TMEM86A: variants seen among roughly 807,000 people sequenced by gnomAD.
TMEM86A encodes lysoplasmalogenase TMEM86A.
TMEM86A carries 13 observed loss-of-function variants against 19.8 expected under a neutral mutation model. That is an observed-to-expected ratio of 0.66 (90% CI 0.43 to 1.04). The LOEUF (loss-of-function observed/expected upper bound fraction) is 1.04. Among genes scored for constraint, TMEM86A ranks in the 50% least tolerant of loss-of-function variants. TMEM86A has a pLI of 0.00. For synonymous variants in TMEM86A, 128 were observed against 129.9 expected, an observed-to-expected ratio of 0.99 and a Z score of 0.10; for missense variants, 248 against 306.8, an observed-to-expected ratio of 0.81 and a Z score of 1.43.
chr11:18,700,741 A>G, intron 1 of TMEM86A, 192 bp from the exon 2 acceptor site: 1 of 698,930 alleles, frequency 1.4e-6, no homozygotes, highest in Non-Finnish European at 2.4e-6. Context: ...CAGGGCAGTA[A>G]TGGGTTTGGC....
intron 1 of TMEM86A, chr11:18,700,626 G>A: frequency 2.2e-6 from 1 of 456,756 alleles, no homozygotes; most frequent in Non-Finnish European, 4.0e-6. Context: ...GCTGTTGCTG[G>A]CAGAGAGGAG....
At position 18,701,629 on chromosome 11, in the gene TMEM86A, C is replaced by T. The variant is rs143821414; in HGVS notation, c.343C>T (p.Pro115Ser). 4.4e-6 allele frequency: 7 copies of T among 1,594,318 alleles called. No individual in the cohort carries two copies. In the African/African-American group the frequency reaches 6.7e-5, roughly 15 times the overall value. The stretch of plus-strand genomic sequence containing the variant: ...CTACGCCTCGGCCTTTGGCATGCAG[C>T]CACTGGCTCTTCGGACAGGTCTGGT... The part of the protein sequence containing the change: ...MFYASAFGMQ[P>S]LALRTGLVMA... The change falls in exon 3 of 3, where the codon CCA becomes TCA. Residue 115 changes from proline (P) to serine (S), a missense_variant. Transcript: ENST00000280734. This position sits in a 1 kb window ranked among gnomAD's most constrained non-coding sequence, Gnocchi z 5.3.
Position 18,699,039 on chromosome 11 carries a change from G to T in TMEM86A, c.21+132G>T, listed in dbSNP as rs1159483778. 2.7e-6 allele frequency: 1 copy of T among 369,180 alleles called. No individual in the cohort carries two copies. The highest frequency in any genetic ancestry group is 4.8e-6 in the Non-Finnish European group (1 of 207,896). 22.9% of individuals were successfully genotyped at this position (369,180 alleles called of 1,614,324 possible). On this transcript the variant is annotated intron_variant, in intron 1 of 2. Coordinates refer to ENST00000280734, the MANE Select transcript of TMEM86A (RefSeq NM_153347.3). The surrounding 1 kb of genome is among the most constrained non-coding windows in gnomAD (Gnocchi z 4.0). ...GGTCCCGTGGCGGCCGGAGTCCCGC[G>T]GCGGGAGGCGGGCGCTGTCACCGCC...
At position 18,698,852 on chromosome 11, in the gene TMEM86A, C is replaced by T. The variant is rs1197601300; in HGVS notation, c.-35C>T. The T allele has an allele frequency of 4.5e-6, 3 of 672,642 alleles. No homozygotes were observed. The highest frequency in any genetic ancestry group is 3.1e-5 in the South Asian group (2 of 64,518). The allele number at this position is 672,642 out of a possible 1,614,324, so 41.7% of individuals were successfully genotyped here. ...CGTGGGCGCGTCCTGGCCGCTGCAGCCCGGAGCAGGGTGCCAGCCGCCGCC... is the reference window on the plus strand; with the variant it reads ...CGTGGGCGCGTCCTGGCCGCTGCAGTCCGGAGCAGGGTGCCAGCCGCCGCC... On this transcript the variant is annotated 5_prime_UTR_variant, in exon 1 of 3. Coordinates refer to ENST00000280734, the MANE Select transcript of TMEM86A (RefSeq NM_153347.3).
In TMEM86A at chr11:18,701,030, C is replaced by A. The variant is rs772385304; in HGVS notation, c.119C>A (p.Thr40Asn). The part of the protein sequence containing the change: ...LPSSSPSWVS[T>N]LIKCLPIFCL... ...TCATCTAGCCCATCGTGGGTCAGCA[C>A]CCTCATCAAGTGCCTGCCTATCTTC... The change falls in exon 2 of 3, where the codon ACC becomes AAC. Residue 40 changes from threonine (T) to asparagine (N), a missense_variant. Thr to Asn is a moderately conservative substitution (Grantham distance 65). Transcript: ENST00000280734. The surrounding 1 kb of genome is among the most constrained non-coding windows in gnomAD (Gnocchi z 5.3). 6.2e-7 allele frequency: 1 copy of A among 1,614,204 alleles called. No homozygotes were observed. The highest frequency in any genetic ancestry group is 8.5e-7 in the Non-Finnish European group (1 of 1,180,042).
At position 18,704,570 on chromosome 11, in the gene TMEM86A, A is replaced by T; in HGVS notation, c.*2561A>T. ...GAGCAAAGGAAGTATTCGTTATATTAATGATGCTGGCGACCAGGGAAATTC... is the reference window on the plus strand; with the variant it reads ...GAGCAAAGGAAGTATTCGTTATATTTATGATGCTGGCGACCAGGGAAATTC... On this transcript the variant is annotated 3_prime_UTR_variant, in exon 3 of 3. Coordinates refer to ENST00000280734, the MANE Select transcript of TMEM86A (RefSeq NM_153347.3). 7.3e-7 allele frequency: 1 copy of T among 1,378,562 alleles called. No individual in the cohort carries two copies. The highest frequency in any genetic ancestry group is 1.0e-6 in the Non-Finnish European group (1 of 993,634). 85.4% of individuals were successfully genotyped at this position (1,378,562 alleles called of 1,614,324 possible).
At position 18,701,669 on chromosome 11, in the gene TMEM86A, C is replaced by T. The variant is rs766907992; in HGVS notation, c.383C>T (p.Ser128Leu). 1.2e-5 allele frequency: 19 copies of T among 1,611,826 alleles called. No individual in the cohort carries two copies. The highest frequency in any genetic ancestry group is 2.7e-5 in the African/African-American group (2 of 74,882). The change falls in exon 3 of 3, where the codon TCG becomes TTG. Residue 128 changes from serine (S) to leucine (L), a missense_variant. By Grantham distance (145) the Ser-to-Leu change is moderately radical. Transcript: ENST00000280734. The surrounding 1 kb of genome is among the most constrained non-coding windows in gnomAD (Gnocchi z 5.3). The stretch of plus-strand genomic sequence containing the variant: ...ACAGGTCTGGTGATGGCAGCGCTGT[C>T]GGGCCTGTGCTATGCCCTCCTCTAC... ...LRTGLVMAAL[S>L]GLCYALLYPC...
Position 18,701,558 on chromosome 11 carries a change from C to T in TMEM86A, c.287-15C>T, listed in dbSNP as rs1379389521. 5 of 1,534,762 alleles carry T rather than the reference C, an allele frequency of 3.3e-6. No individual in the cohort carries two copies. Among genetic ancestry groups the T allele is most frequent in the Non-Finnish European group, 4.4e-6 (5 of 1,141,598 alleles). On this transcript the variant is annotated splice_polypyrimidine_tract_variant and intron_variant, in intron 2 of 2. Coordinates refer to ENST00000280734, the MANE Select transcript of TMEM86A (RefSeq NM_153347.3). This position sits in a 1 kb window ranked among gnomAD's most constrained non-coding sequence, Gnocchi z 5.3. ...CAAGCTTGCCCTCAGCTGCCTTTGC[C>T]CCTCTTACCCCCAGGTCTGCTGATG... is the stretch of plus-strand genomic sequence containing the variant.
rs1848157428 is a variant in TMEM86A at position 18,702,165 on chromosome 11, T to C, written c.*156T>C. ...TTCGTGTGGGGAGGCTGGAAAAGGA[T>C]CTCCCTAGCAGAACTCGTGGTTCAG... On this transcript the variant is annotated 3_prime_UTR_variant, in exon 3 of 3. Transcript: ENST00000280734. 1 of 720,718 alleles carries C rather than the reference T, an allele frequency of 1.4e-6. No individual in the cohort carries two copies. Among genetic ancestry groups the C allele is most frequent in the Non-Finnish European group, 2.3e-6 (1 of 441,234 alleles). 44.6% of individuals were successfully genotyped at this position (720,718 alleles called of 1,614,324 possible).
At position 18,701,302 on chromosome 11, in the gene TMEM86A, T is replaced by C. The variant is rs1848147164; in HGVS notation, c.286+105T>C. The C allele has an allele frequency of 3.4e-6, 5 of 1,469,468 alleles. No individual in the cohort carries two copies. 91.0% of individuals were successfully genotyped at this position (1,469,468 alleles called of 1,614,324 possible). A position where few individuals can be genotyped will look rare whatever the true frequency, so the allele number is the denominator to read the frequency against. On this transcript the variant is annotated intron_variant, in intron 2 of 2. Transcript: ENST00000280734. The surrounding 1 kb of genome is among the most constrained non-coding windows in gnomAD (Gnocchi z 5.3). ...AAGAGGGAGTTCTTGAACCAGAGTG[T>C]GGGGAGCCTGAGGGTTTCTGAGGCC...
In TMEM86A at chr11:18,701,079, C is replaced by A; in HGVS notation, c.168C>A (p.Ala56=). ...TCTGCCTCTGGCTCTTCCTTCTGGC[C>A]CATGGCCTGGGATTCCTGCTGGCCC... ...PIFCLWLFLL[A]HGLGFLLAHP... is the part of the protein sequence containing the mutation. Residue 56 remains alanine, a synonymous_variant, in exon 2 of 3, where the codon GCC becomes GCA. Coordinates refer to ENST00000280734, the MANE Select transcript of TMEM86A (RefSeq NM_153347.3). The surrounding 1 kb of genome is among the most constrained non-coding windows in gnomAD (Gnocchi z 5.3). 6.2e-7 allele frequency: 1 copy of A among 1,614,184 alleles called. No homozygotes were observed. Among genetic ancestry groups the A allele is most frequent in the Non-Finnish European group, 8.5e-7 (1 of 1,180,042 alleles).
At chr11:18,700,083 C>G (rs1036214031) in intron 1 of TMEM86A, 3 of 152,244 alleles carry the variant, frequency 2.0e-5, no homozygotes, top group African/African-American at 7.2e-5. Flanking sequence ...TCTGCTAATC[C>G]GGCTGAGACC....
chr11:18,701,118 C>G lies in TMEM86A; in HGVS notation c.207C>G (p.Thr69=). Residue 69 remains threonine (T), a synonymous_variant, in exon 2 of 3, where the codon ACC becomes ACG. Coordinates refer to ENST00000280734, the MANE Select transcript of TMEM86A (RefSeq NM_153347.3). This position sits in a 1 kb window ranked among gnomAD's most constrained non-coding sequence, Gnocchi z 5.3. ...TCCTGCTGGCCCACCCCAGCGCCAC[C>G]CGCATCTTTGTGGGGCTTGTCTTCT... ...LGFLLAHPSA[T]RIFVGLVFSA... 1.9e-6 allele frequency: 3 copies of G among 1,614,102 alleles called. No individual in the cohort carries two copies. The highest frequency in any genetic ancestry group is 2.2e-5 in the East Asian group (1 of 44,880).
chr11:18,701,511 C>G lies in TMEM86A; in HGVS notation c.287-62C>G, dbSNP rs1016833185. ...CCATCGCCACATCCATCCCTACCCCCACCCTGTTACTCATTCTTCATCAAG... is the reference window on the plus strand; with the variant it reads ...CCATCGCCACATCCATCCCTACCCCGACCCTGTTACTCATTCTTCATCAAG... On this transcript the variant is annotated intron_variant, in intron 2 of 2. Transcript: ENST00000280734. The surrounding 1 kb of genome is among the most constrained non-coding windows in gnomAD (Gnocchi z 5.3). The G allele has an allele frequency of 1.6e-5, 24 of 1,490,504 alleles. No individual in the cohort carries two copies. The highest frequency in any genetic ancestry group is 8.4e-5 in the African/African-American group (6 of 71,212). 92.3% of individuals were successfully genotyped at this position (1,490,504 alleles called of 1,614,324 possible).
At position 18,700,913 on chromosome 11, in the gene TMEM86A, C is replaced by T; in HGVS notation, c.22-20C>T. ...TCAACCCCCAAGTTCTGAGTGCTGCCCTTGTCCTGTGTCCTCCAGGTGAAG... is the reference window on the plus strand; with the variant it reads ...TCAACCCCCAAGTTCTGAGTGCTGCTCTTGTCCTGTGTCCTCCAGGTGAAG... On this transcript the variant is annotated intron_variant, in intron 1 of 2. Coordinates refer to ENST00000280734, the MANE Select transcript of TMEM86A (RefSeq NM_153347.3). 6.2e-7 allele frequency: 1 copy of T among 1,613,226 alleles called. No individual in the cohort carries two copies. Among genetic ancestry groups the T allele is most frequent in the Non-Finnish European group, 8.5e-7 (1 of 1,179,440 alleles).
chr11:18,700,021 A>G (rs947793968), intron 1 of TMEM86A: 1 of 151,714 alleles, frequency 6.6e-6, no homozygotes, highest in African/African-American at 2.4e-5. Flanking sequence ...CCCCTCCCCC[A>G]GCTTGGACTC....
chr11:18,700,903 T>C (rs1229833176), intron 1 of TMEM86A, 30 bp from the exon 2 acceptor site: 1 of 1,609,020 alleles, frequency 6.2e-7, no homozygotes, highest in Admixed American at 1.7e-5. Context: ...CCCCAAGTTC[T>C]GAGTGCTGCC....
rs4756958 is a variant in TMEM86A at position 18,699,274 on chromosome 11, G to A, written c.21+367G>A. On this transcript the variant is annotated intron_variant, in intron 1 of 2. Coordinates refer to ENST00000280734, the MANE Select transcript of TMEM86A (RefSeq NM_153347.3). The surrounding 1 kb of genome is among the most constrained non-coding windows in gnomAD (Gnocchi z 4.0). Reference sequence around the variant, plus strand: ...GCGGACCACAGGGAGGCGTGGGGGCGGGGGATGCTGGGAGGATAACAGGGA... The same window carrying A: ...GCGGACCACAGGGAGGCGTGGGGGCAGGGGATGCTGGGAGGATAACAGGGA... Among the ~76,000 whole-genome samples the A allele has an allele frequency of 6.6e-6, 1 of 152,248 alleles. No homozygotes were observed. Among genetic ancestry groups the A allele is most frequent in the African/African-American group, 2.4e-5 (1 of 41,470 alleles).
At chr11:18,700,660 GAGA>G (rs1848141134) in intron 1 of TMEM86A, 1 of 538,678 alleles carries the variant, frequency 1.9e-6, no homozygotes, top group Non-Finnish European at 3.3e-6. Context: ...CCTGAGGAGG[GAGA>G]AGGAGGGGGC....
Sources: allele counts gnomAD v4.1 joint callset (sites outside exome capture counted in the v4.1 genomes callset), GRCh38; gene constraint gnomAD v4.1.1; non-coding constraint Gnocchi (gnomAD v3.1); transcripts MANE v1.5; gene names NCBI Gene and HGNC (gene_info 2026-07-23, HGNC 2026-07-21).